Variants in PUDP observed in about 807,000 individuals in gnomAD.
The protein encoded by PUDP is pseudouridine-5'-phosphatase.
In PUDP, 8 loss-of-function variants were observed where a neutral mutation model predicts 9.4. The ratio of observed to expected loss-of-function variants is 0.85; its 90% CI spans 0.50 to 1.53. PUDP has a LOEUF of 1.53. Among genes scored for constraint, PUDP ranks in the 40% most tolerant of loss-of-function variants. PUDP has a pLI of 0.00. For synonymous variants in PUDP, 99 were observed against 80.7 expected (o/e 1.23, Z -1.22); for missense variants, 188 against 189.7 (o/e 0.99, Z 0.05).
chrX:7,078,847 C>T (rs1338916920), intron 2 of PUDP, among the ~76,000 whole-genome samples: 3 of 111,540 alleles, frequency 2.7e-5, no homozygotes, highest in Non-Finnish European at 3.8e-5. Flanking sequence ...CAAAATCTAG[C>T]ACTCCACTGG....
chrX:7,148,051 A>G lies in PUDP; in HGVS notation c.61+2T>C. On this transcript the variant is annotated splice_donor_variant, in intron 1 of 3. Transcript: ENST00000381077. LOFTEE classifies it high-confidence loss of function. ...TGGAGGCGGCGGCTGCACACTACCC[A>G]CCCAGAAGAAGTCCGTCCATGTCAA... 1 of 1,129,943 alleles carries G rather than the reference A, an allele frequency of 8.8e-7. No homozygotes were observed. Among genetic ancestry groups the G allele is most frequent in the Non-Finnish European group, 1.2e-6 (1 of 852,039 alleles). 93.1% of individuals were successfully genotyped at this position (1,129,943 alleles called of 1,213,427 possible). A position where few individuals can be genotyped will look rare whatever the true frequency, so the allele number is the denominator to read the frequency against.
intron 1 of PUDP, among the ~76,000 whole-genome samples, chrX:6,996,721 C>T (rs1186682223): frequency 5.8e-5 from 6 of 102,624 alleles, no homozygotes; most frequent in African/African-American, 2.2e-4. Context: ...GAGTGGAGTG[C>T]CATGGGGTGA....
chrX:6,805,079 C>A (rs1019264066), intron 3 of PUDP, among the ~76,000 whole-genome samples: 2 of 110,417 alleles, frequency 1.8e-5, no homozygotes, highest in Non-Finnish European at 3.8e-5. Flanking sequence ...CCAGCCTGGG[C>A]AACATGGCGA....
chrX:6,954,662 T>A (rs1429031653), intron 3 of PUDP, among the ~76,000 whole-genome samples: 1 of 112,080 alleles, frequency 8.9e-6, no homozygotes, highest in Non-Finnish European at 1.9e-5. Flanking sequence ...TGCATATGGT[T>A]ATGGTTCATT....
chrX:6,906,725 A>T (rs1193216040), intron 3 of PUDP, among the ~76,000 whole-genome samples: 1 of 111,929 alleles, frequency 8.9e-6, no homozygotes, highest in East Asian at 2.8e-4. Context: ...TGGGGGGAAA[A>T]GTAAAACAAA....
At chrX:6,785,186 T>A (rs1925626764) in intron 3 of PUDP, among the ~76,000 whole-genome samples, 1 of 112,776 alleles carries the variant, frequency 8.9e-6, no homozygotes, top group Non-Finnish European at 1.9e-5. Flanking sequence ...TCGATTTGAT[T>A]CTGGTAATTC....
At chrX:6,750,839 A>G (rs1186003079) in intron 3 of PUDP, among the ~76,000 whole-genome samples, 1 of 111,871 alleles carries the variant, frequency 8.9e-6, no homozygotes. Context: ...GGAAATTTCT[A>G]GTTCAGAAAT....
intron 3 of PUDP, among the ~76,000 whole-genome samples, chrX:6,954,179 T>C (rs1314767479): frequency 2.7e-5 from 3 of 111,408 alleles, no homozygotes. Context: ...GGTATGTCTT[T>C]ATTAGTAGGG....
At chrX:6,932,673 C>A (rs1394433873) in intron 3 of PUDP, among the ~76,000 whole-genome samples, 2 of 112,003 alleles carry the variant, frequency 1.8e-5, no homozygotes, top group Admixed American at 1.9e-4. Flanking sequence ...GAGGCATTGC[C>A]TCACTTGGGA....
At chrX:6,976,662 A>C (rs935562525) in intron 3 of PUDP, among the ~76,000 whole-genome samples, 1 of 111,883 alleles carries the variant, frequency 8.9e-6, no homozygotes, top group Admixed American at 9.5e-5. Flanking sequence ...CTCGCCAGCC[A>C]CCCAAGAGGA....
chrX:7,131,430 G>T (rs765535862), intron 1 of PUDP, among the ~76,000 whole-genome samples: 3 of 110,371 alleles, frequency 2.7e-5, no homozygotes, highest in African/African-American at 9.9e-5. Flanking sequence ...GTATTATCCC[G>T]GTGGGCCCTA....
At chrX:6,818,722 C>T (rs1446394599) in intron 3 of PUDP, among the ~76,000 whole-genome samples, 2 of 111,875 alleles carry the variant, frequency 1.8e-5, no homozygotes, top group Non-Finnish European at 3.8e-5. Flanking sequence ...TCCAGGCTGG[C>T]TTGCTTCCTT....
rs764717657 is a variant in PUDP at position 7,057,768 on chromosome X, TC to T, written c.511-7297del. The T allele has an allele frequency of 1.1e-5, 13 of 1,154,538 alleles. No individual in the cohort carries two copies. The South Asian group carries it at 2.3e-4, about 20-fold the overall frequency. On this transcript the variant is annotated intron_variant, in intron 3 of 3. Transcript: ENST00000381077. Reference sequence around the variant, plus strand: ...CAGAAGGAGGAGCGCTGAGAAGGGATCCCGGCAGCCCTGGCATTTCTGTGCG... The same window carrying T: ...CAGAAGGAGGAGCGCTGAGAAGGGATCCGGCAGCCCTGGCATTTCTGTGCG...
chrX:6,958,975 T>C (rs1421649595), intron 3 of PUDP, among the ~76,000 whole-genome samples: 5 of 111,551 alleles, frequency 4.5e-5, no homozygotes, highest in Non-Finnish European at 7.5e-5. Context: ...CTTAATTGCA[T>C]ATAATACAAT....
chrX:6,888,822 TAAAGC>T (rs1051545515), intron 3 of PUDP, among the ~76,000 whole-genome samples: 1 of 111,450 alleles, frequency 9.0e-6, no homozygotes, highest in African/African-American at 3.3e-5. Flanking sequence ...TGGCTATGCA[TAAAGC>T]AGAAAGGTCC....
intron 1 of PUDP, among the ~76,000 whole-genome samples, chrX:7,041,886 C>T (rs1161144784): frequency 1.9e-5 from 2 of 104,183 alleles, no homozygotes; most frequent in African/African-American, 7.1e-5. Flanking sequence ...TTTTTTGAGA[C>T]AGGGGTCTCA....
chrX:6,753,873 T>C lies in PUDP; in HGVS notation c.*248-47407A>G, dbSNP rs765775687. ...TGAGTTCATTGTAGATTCTAGATAA[T>C]AATCCTTTGTCAGATGTATAGATTG... On this transcript the variant is annotated intron_variant and NMD_transcript_variant, in intron 3 of 3. Coordinates refer to the PUDP transcript ENST00000655425. Among the ~76,000 whole-genome samples, 356 of 112,182 alleles carry C rather than the reference T, an allele frequency of 3.2e-3. 1 individual carries two copies. Among genetic ancestry groups the C allele is most frequent in the African/African-American group, 0.011 (339 of 30,910 alleles).
At chrX:7,039,967 G>C (rs1293065273) in intron 1 of PUDP, among the ~76,000 whole-genome samples, 2 of 112,207 alleles carry the variant, frequency 1.8e-5, no homozygotes, top group African/African-American at 6.5e-5. Flanking sequence ...GTTGGGTTAG[G>C]AGGAGGAATA....
At chrX:6,939,671 C>G (rs2146775869) in intron 3 of PUDP, among the ~76,000 whole-genome samples, 1 of 109,083 alleles carries the variant, frequency 9.2e-6, no homozygotes, top group East Asian at 2.9e-4. Flanking sequence ...TGAGACCAGC[C>G]TGGGGCAACA....
Sources: allele counts gnomAD v4.1 joint callset (sites outside exome capture counted in the v4.1 genomes callset), GRCh38; gene constraint gnomAD v4.1.1; transcripts MANE v1.5; gene names NCBI Gene and HGNC (gene_info 2026-07-23, HGNC 2026-07-21).